The following UBE2D2 variants were observed in gnomAD, a reference collection of about 807,000 sequenced individuals.
UBE2D2 encodes the protein ubiquitin conjugating enzyme E2 D2.
UBE2D2 carries 2 observed loss-of-function variants against 24.2 expected under a neutral mutation model. The ratio of observed to expected loss-of-function variants is 0.08; its 90% CI spans 0.03 to 0.26. The LOEUF (loss-of-function observed/expected upper bound fraction) is 0.26. Among genes scored for constraint, UBE2D2 ranks in the 10% least tolerant of loss-of-function variants. UBE2D2 has a pLI of 1.00. For synonymous variants in UBE2D2, 58 were observed against 56.5 expected (o/e 1.03, Z -0.12); for missense variants, 44 against 177.6 (o/e 0.25, Z 4.28).
At chr5:139,557,750 A>C (rs1002916558), upstream of UBE2D2, among the ~76,000 whole-genome samples, 2 of 152,070 alleles carry the variant, frequency 1.3e-5, no homozygotes, top group African/African-American at 4.8e-5. Context: ...CTGTCTCAAT[A>C]AATAAATAAA....
At chr5:139,598,322 GTAGTTT>G (rs1754000356) in intron 1 of UBE2D2, among the ~76,000 whole-genome samples, 1 of 152,046 alleles carries the variant, frequency 6.6e-6, no homozygotes, top group South Asian at 2.1e-4. Flanking sequence ...TTTTACTCTT[GTAGTTT>G]TAAAGTATAA....
intron 1 of UBE2D2, among the ~76,000 whole-genome samples, chr5:139,597,444 G>T (rs1395190411): frequency 6.6e-6 from 1 of 152,186 alleles, no homozygotes; most frequent in Non-Finnish European, 1.5e-5. Flanking sequence ...GTTTGGCTTA[G>T]GGTTTTAAAA....
intron 1 of UBE2D2, among the ~76,000 whole-genome samples, chr5:139,574,402 C>A (rs1314415160): frequency 6.6e-6 from 1 of 151,724 alleles, no homozygotes; most frequent in Non-Finnish European, 1.5e-5. Flanking sequence ...GTAGTTGGTC[C>A]TTCCTAGAAT....
rs1581528765 is a variant in UBE2D2 at position 139,611,330 on chromosome 5, A to G, written c.89-3256A>G. Among the ~76,000 whole-genome samples the G allele has an allele frequency of 4.0e-5, 6 of 151,356 alleles. No individual in the cohort carries two copies. The South Asian group carries it at 1.3e-3, about 32-fold the overall frequency. ...GCCTCCTGAGTAGCTGGGATTACAG[A>G]CGCCCGCCATCACGCCCAGCTAATT... On this transcript the variant is annotated intron_variant, in intron 2 of 6. Coordinates refer to ENST00000398733, the MANE Select transcript of UBE2D2 (RefSeq NM_003339.3).
chr5:139,527,721 A>T (rs1311804489), intron 1 of UBE2D2, among the ~76,000 whole-genome samples: 1 of 152,216 alleles, frequency 6.6e-6, no homozygotes, highest in Non-Finnish European at 1.5e-5. Flanking sequence ...TGTTTAAAAA[A>T]TTGTCTGCAA....
chr5:139,549,335 G>A (rs541375193), intron 1 of UBE2D2, among the ~76,000 whole-genome samples: 1 of 152,322 alleles, frequency 6.6e-6, no homozygotes, highest in East Asian at 1.9e-4. Flanking sequence ...CTTGCGGGGA[G>A]GTGTGGAGGG....
At chr5:139,562,227 T>A (rs757354431) in intron 1 of UBE2D2, 1 of 1,370,538 alleles carries the variant, frequency 7.3e-7, no homozygotes, top group Non-Finnish European at 9.7e-7. Flanking sequence ...TGTTCCCTCC[T>A]CCCACACCTG....
At chr5:139,618,421 C>T (rs1754458109) in intron 5 of UBE2D2, among the ~76,000 whole-genome samples, 1 of 152,104 alleles carries the variant, frequency 6.6e-6, no homozygotes, top group African/African-American at 2.4e-5. Context: ...AGAGAAGTGT[C>T]CCCTTTTCTT....
chr5:139,531,583 T>C lies in UBE2D2; in HGVS notation c.-64+4971T>C, dbSNP rs117291474. On this transcript the variant is annotated intron_variant, in intron 1 of 6. Transcript: ENST00000511725. ...TGCTACAAGCTGAGATTGCATCACATACCCCTGCACTCCAGCTTGGGTGAC... is the reference window on the plus strand; with the variant it reads ...TGCTACAAGCTGAGATTGCATCACACACCCCTGCACTCCAGCTTGGGTGAC... 2.8e-5 allele frequency among the ~76,000 whole-genome samples: 4 copies of C among 143,396 alleles called. No individual in the cohort carries two copies. The East Asian group carries it at 8.2e-4, about 30-fold the overall frequency. The allele number at this position is 143,396 out of a possible 152,430, so 94.1% of individuals were successfully genotyped here.
At chr5:139,621,318 C>T (rs1554080764) in intron 5 of UBE2D2, among the ~76,000 whole-genome samples, 1 of 152,152 alleles carries the variant, frequency 6.6e-6, no homozygotes, top group Non-Finnish European at 1.5e-5. Flanking sequence ...GGAAATTACA[C>T]TATTGAGATT....
chr5:139,600,089 C>T (rs942767135), intron 1 of UBE2D2, among the ~76,000 whole-genome samples: 19 of 152,142 alleles, frequency 1.2e-4, no homozygotes, highest in Non-Finnish European at 2.2e-4. Context: ...TGAGCCATCA[C>T]GCCCGGCCCA....
chr5:139,562,978 G>C (rs945907815), intron 1 of UBE2D2, among the ~76,000 whole-genome samples: 5 of 152,026 alleles, frequency 3.3e-5, no homozygotes, highest in Non-Finnish European at 7.3e-5. Context: ...GGGTCTTGCC[G>C]TGTTGTCCAG....
chr5:139,581,778 C>G (rs930067005), intron 1 of UBE2D2, among the ~76,000 whole-genome samples: 2 of 151,964 alleles, frequency 1.3e-5, no homozygotes, highest in Non-Finnish European at 2.9e-5. Context: ...AAGCTATTCT[C>G]CTGCCTCAGC....
intron 2 of UBE2D2, among the ~76,000 whole-genome samples, chr5:139,612,799 T>A (rs1040652871): frequency 1.3e-5 from 2 of 152,166 alleles, no homozygotes; most frequent in Non-Finnish European, 2.9e-5. Context: ...TGTGTGTGTT[T>A]TAGTCTTGTT....
At chr5:139,534,145 A>G (rs1752633247) in intron 1 of UBE2D2, among the ~76,000 whole-genome samples, 1 of 151,580 alleles carries the variant, frequency 6.6e-6, no homozygotes, top group Non-Finnish European at 1.5e-5. Flanking sequence ...CTGGAAATTT[A>G]TTACAGGCCA....
chr5:139,600,658 T>A (rs1189793064), intron 2 of UBE2D2, among the ~76,000 whole-genome samples: 1 of 152,208 alleles, frequency 6.6e-6, no homozygotes, highest in Non-Finnish European at 1.5e-5. Context: ...CTTACCTTCA[T>A]CCCTTCTGGG....
chr5:139,549,686 G>A (rs1014445118), intron 1 of UBE2D2, among the ~76,000 whole-genome samples: 3 of 152,340 alleles, frequency 2.0e-5, no homozygotes, highest in South Asian at 2.1e-4. Flanking sequence ...CCCCTGCTCC[G>A]CGGCGCCCCA....
chr5:139,554,879 A>G (rs1032730167), intron 1 of UBE2D2: 4 of 152,048 alleles, frequency 2.6e-5, no homozygotes, highest in Non-Finnish European at 5.9e-5. Flanking sequence ...TGGGTATGAA[A>G]TGATATCGTG....
chr5:139,623,522 C>A, intron 6 of UBE2D2, 61 bp downstream of exon 6: 1 of 1,425,924 alleles, frequency 7.0e-7, no homozygotes, highest in Non-Finnish European at 9.8e-7. Context: ...TGTCACAAAT[C>A]TTTCTTGTTT....
Sources: allele counts gnomAD v4.1 joint callset (sites outside exome capture counted in the v4.1 genomes callset), GRCh38; gene constraint gnomAD v4.1.1; transcripts MANE v1.5; gene names NCBI Gene and HGNC (gene_info 2026-07-23, HGNC 2026-07-21).